TNFAIP3: variants seen among roughly 807,000 people sequenced by gnomAD.
The protein encoded by TNFAIP3 is TNF alpha induced protein 3, also known as tumor necrosis factor alpha-induced protein 3.
In TNFAIP3, 9 loss-of-function variants were observed where a neutral mutation model predicts 72.4. The ratio of observed to expected loss-of-function variants is 0.12; its 90% confidence interval spans 0.07 to 0.22. TNFAIP3 has a LOEUF of 0.22. TNFAIP3 is among the 10% of genes least tolerant of loss of function. The probability of loss-of-function intolerance (pLI) is 1.00; values close to 1 mark genes in which losing one functional copy is unlikely to be tolerated. For missense variants in TNFAIP3, 833 were observed against 1,018.7 expected, an observed-to-expected ratio of 0.82 and a Z score of 2.48; for synonymous variants, 339 against 372.6, an observed-to-expected ratio of 0.91 and a Z score of 1.04.
At chr6:137,877,420 T>C (rs1364029762) in intron 6 of TNFAIP3, among the ~76,000 whole-genome samples, 164 bp downstream of exon 6, 1 of 152,244 alleles carries the variant, frequency 6.6e-6, no homozygotes, top group African/African-American at 2.4e-5. Flanking sequence ...GAGAGGATTA[T>C]GTAAGGCAGT....
upstream of TNFAIP3, chr6:137,867,139 T>G (rs1419461768): frequency 1.3e-5 from 2 of 151,502 alleles, no homozygotes; most frequent in African/African-American, 4.8e-5. This position sits in a 1 kb window ranked among gnomAD's most constrained non-coding sequence, Gnocchi z 6.0. Flanking sequence ...CTGCGCCCTC[T>G]GGCGGCCGGC....
At position 137,871,353 on chromosome 6, in the gene TNFAIP3, C is replaced by T; in HGVS notation, c.126C>T (p.Thr42=). ...PTNGIIHHFK[T]MHRYTLEMFR... Reference sequence around the variant, plus strand: ...ATGGGATCATTCATCATTTTAAAACCATGCACCGATACACACTGGAAATGT... The same window carrying T: ...ATGGGATCATTCATCATTTTAAAACTATGCACCGATACACACTGGAAATGT... The change falls in exon 2 of 9, where the codon ACC becomes ACT. Residue 42 remains threonine, a synonymous_variant. Transcript: ENST00000612899. The surrounding 1 kb of genome is among the most constrained non-coding windows in gnomAD (Gnocchi z 4.2). 5.0e-6 allele frequency: 8 copies of T among 1,614,124 alleles called. No individual in the cohort carries two copies. Among genetic ancestry groups the T allele is most frequent in the Admixed American group, 1.7e-5 (1 of 60,020 alleles).
rs376559304 is a variant in TNFAIP3 at position 137,875,046 on chromosome 6, C to T, written c.486+11C>T. On this transcript the variant is annotated intron_variant, in intron 3 of 8. Transcript: ENST00000612899. ...TGCTATGATACTCGGGTAGGTTTTT[C>T]CCCCTAATTATCTACTAACAGAGCT... 7 of 1,613,638 alleles carry T rather than the reference C, an allele frequency of 4.3e-6. No homozygotes were observed. The highest frequency in any genetic ancestry group is 1.7e-5 in the Admixed American group (1 of 60,002).
rs1407837791 is a variant in TNFAIP3, at chr6:137,881,276, G to A, written c.2330G>A (p.Gly777Asp). The A allele has an allele frequency of 1.3e-6, 2 of 1,578,164 alleles. No homozygotes were observed. Among genetic ancestry groups the A allele is most frequent in the Non-Finnish European group, 1.7e-6 (2 of 1,161,946 alleles). Residue 777 changes from glycine (G) to aspartate (D), a missense_variant, in exon 9 of 9, where the codon GGC becomes GAC. Physicochemically the swap from Gly to Asp is moderately conservative, Grantham distance 94. Around this residue, in one of 2 missense-constraint regions of TNFAIP3, gnomAD observed 587 missense variants for 657.8 expected, o/e 0.89. Transcript: ENST00000612899. This position sits in a 1 kb window ranked among gnomAD's most constrained non-coding sequence, Gnocchi z 5.0. The part of the protein sequence containing the change: ...CDHFGNAKCN[G>D]YCNECFQFKQ... Reference sequence around the variant, plus strand: ...CATTTTGGCAATGCCAAGTGCAACGGCTACTGCAACGAATGCTTTCAGTTC... The same window carrying A: ...CATTTTGGCAATGCCAAGTGCAACGACTACTGCAACGAATGCTTTCAGTTC...
intron 5 of TNFAIP3, 92 bp downstream of exon 5, chr6:137,876,258 TA>T: frequency 9.5e-7 from 1 of 1,057,274 alleles, no homozygotes; most frequent in Non-Finnish European, 1.4e-6. Context: ...CTTATTTAAG[TA>T]TATTATTTTT....
At chr6:137,867,035 C>T (rs1396644729), upstream of TNFAIP3, among the ~76,000 whole-genome samples, 3 of 49,492 alleles carry the variant, frequency 6.1e-5, no homozygotes, top group African/African-American at 1.6e-4. This position sits in a 1 kb window ranked among gnomAD's most constrained non-coding sequence, Gnocchi z 6.0. Flanking sequence ...CTGCAGGGAC[C>T]GGGCGGGGCG....
At chr6:137,880,951 A>T in intron 8 of TNFAIP3, 84 bp from the exon 9 acceptor site, 1 of 1,456,468 alleles carries the variant, frequency 6.9e-7, no homozygotes, top group Non-Finnish European at 9.3e-7. Context: ...CACACTCTCC[A>T]ATGAGATTTC....
At chr6:137,873,599 C>T (rs896859606) in intron 2 of TNFAIP3, among the ~76,000 whole-genome samples, 2 of 152,168 alleles carry the variant, frequency 1.3e-5, no homozygotes, top group Non-Finnish European at 2.9e-5. Context: ...TATACTGGTG[C>T]ATCTCAATAA....
At chr6:137,866,803 G>T (rs1356608558), upstream of TNFAIP3, 4 of 152,372 alleles carry the variant, frequency 2.6e-5, no homozygotes, top group Admixed American at 2.6e-4. Flanking sequence ...GGGCCCGGGC[G>T]CCAGGGTGGT....
rs775254371 is a variant in TNFAIP3 at position 137,879,248 on chromosome 6, G to A, written c.1803G>A (p.Arg601=). Residue 601 remains arginine, a synonymous_variant, in exon 7 of 9, where the codon AGG becomes AGA. Transcript: ENST00000612899. The part of the protein sequence containing the change: ...LSQAARTPGD[R]TGTSKCRKAG... ...AAGCTGCACGGACTCCTGGGGACAG[G>A]ACGGGGACGAGCAAGTGCAGAAAAG... The A allele has an allele frequency of 6.2e-7, 1 of 1,614,228 alleles. No individual in the cohort carries two copies. Among genetic ancestry groups the A allele is most frequent in the South Asian group, 1.1e-5 (1 of 91,090 alleles).
chr6:137,870,886 G>A (rs1168121495), intron 1 of TNFAIP3, among the ~76,000 whole-genome samples: 1 of 152,182 alleles, frequency 6.6e-6, no homozygotes. Context: ...TGGTTTTGAG[G>A]AGCAGTACCT....
intron 7 of TNFAIP3, 90 bp from the exon 8 acceptor site, chr6:137,879,981 T>C: frequency 8.7e-7 from 1 of 1,151,574 alleles, no homozygotes; most frequent in African/African-American, 1.6e-5. Flanking sequence ...CTAATCTGTA[T>C]TTGGAACCCA....
In TNFAIP3 at chr6:137,871,103, A is replaced by T. The variant is rs1055611580; in HGVS notation, c.-15-110A>T. The T allele has an allele frequency of 2.0e-6, 2 of 1,011,146 alleles. No homozygotes were observed. The highest frequency in any genetic ancestry group is 2.9e-6 in the Non-Finnish European group (2 of 700,626). 62.6% of individuals were successfully genotyped at this position (1,011,146 alleles called of 1,614,324 possible). Reference sequence around the variant, plus strand: ...AGGTGCTAAGATCTTTTGCCTACAGATCAGGGTAATGACAAGATCAAACAC... The same window carrying T: ...AGGTGCTAAGATCTTTTGCCTACAGTTCAGGGTAATGACAAGATCAAACAC... On this transcript the variant is annotated intron_variant, in intron 1 of 8. Coordinates refer to ENST00000612899, the MANE Select transcript of TNFAIP3 (RefSeq NM_001270508.2). The surrounding 1 kb of genome is among the most constrained non-coding windows in gnomAD (Gnocchi z 4.2).
chr6:137,869,421 C>T (rs1448833262), intron 1 of TNFAIP3, among the ~76,000 whole-genome samples: 2 of 151,890 alleles, frequency 1.3e-5, no homozygotes, highest in African/African-American at 4.8e-5. Flanking sequence ...GTGAAAGAGA[C>T]TTTTGCTGTG....
Position 137,878,651 on chromosome 6 carries a change from T to C in TNFAIP3, c.1206T>C (p.Pro402=). Residue 402 remains proline (P), a synonymous_variant, in exon 7 of 9, where the codon CCT becomes CCC. Transcript: ENST00000612899. ...CPFFMSVNTQ[P]LCHECSERRQ... is the part of the protein sequence containing the mutation. Reference sequence around the variant, plus strand: ...TCTTCATGTCTGTGAACACCCAGCCTTTATGCCATGAGTGCTCAGAGAGGC... The same window carrying C: ...TCTTCATGTCTGTGAACACCCAGCCCTTATGCCATGAGTGCTCAGAGAGGC... The C allele has an allele frequency of 6.2e-7, 1 of 1,614,154 alleles. No individual in the cohort carries two copies. The highest frequency in any genetic ancestry group is 2.2e-5 in the East Asian group (1 of 44,872).
Position 137,867,488 on chromosome 6 carries a change from C to G in TNFAIP3, c.-70C>G, listed in dbSNP as rs953575087. On this transcript the variant is annotated 5_prime_UTR_variant, in exon 1 of 9. Coordinates refer to ENST00000612899, the MANE Select transcript of TNFAIP3 (RefSeq NM_001270508.2). This position sits in a 1 kb window ranked among gnomAD's most constrained non-coding sequence, Gnocchi z 6.0. Reference sequence around the variant, plus strand: ...GACTTTGCGAAAGGATCGCGGGGCCCGGAGAGGTAACCGCCGCGCCTCCCG... The same window carrying G: ...GACTTTGCGAAAGGATCGCGGGGCCGGGAGAGGTAACCGCCGCGCCTCCCG... 6 of 136,094 alleles carry G rather than the reference C, an allele frequency of 4.4e-5. No individual in the cohort carries two copies. Among genetic ancestry groups the G allele is most frequent in the African/African-American group, 1.5e-4 (5 of 33,296 alleles). 8.4% of individuals were successfully genotyped at this position (136,094 alleles called of 1,614,324 possible). A position where few individuals can be genotyped will look rare whatever the true frequency, so the allele number is the denominator to read the frequency against.
At position 137,881,189 on chromosome 6, in the gene TNFAIP3, A is replaced by C. The variant is rs1483594433; in HGVS notation, c.2243A>C (p.His748Pro). Residue 748 changes from histidine (H) to proline (P), a missense_variant, in exon 9 of 9, where the codon CAC (histidine) becomes CCC (proline). Physicochemically the swap from His to Pro is moderately conservative, Grantham distance 77. Around this residue, in one of 2 missense-constraint regions of TNFAIP3, gnomAD observed 587 missense variants for 657.8 expected, o/e 0.89. Transcript: ENST00000612899. This position sits in a 1 kb window ranked among gnomAD's most constrained non-coding sequence, Gnocchi z 5.0. ...HPNQRMGPGAHRGEPAPEDPP... is the reference protein window; with the variant it reads ...HPNQRMGPGAPRGEPAPEDPP... Reference sequence around the variant, plus strand: ...AACCAGAGGATGGGCCCTGGGGCCCACCGGGGTGAGCCTGCCCCCGAAGAC... The same window carrying C: ...AACCAGAGGATGGGCCCTGGGGCCCCCCGGGGTGAGCCTGCCCCCGAAGAC... The C allele has an allele frequency of 1.9e-6, 3 of 1,613,442 alleles. No individual in the cohort carries two copies. The highest frequency in any genetic ancestry group is 2.5e-6 in the Non-Finnish European group (3 of 1,179,896).
chr6:137,878,872 T>C lies in TNFAIP3; in HGVS notation c.1427T>C (p.Met476Thr). 1 of 1,614,092 alleles carries C rather than the reference T, an allele frequency of 6.2e-7. No individual in the cohort carries two copies. The highest frequency in any genetic ancestry group is 8.5e-7 in the Non-Finnish European group (1 of 1,180,020). ...SPFLFSETTA[M>T]KCRSPGCPFT... The stretch of plus-strand genomic sequence containing the variant: ...TTTCTGTTCAGTGAGACCACTGCCA[T>C]GAAGTGCAGGAGCCCCGGCTGCCCC... Residue 476 changes from methionine (M) to threonine (T), a missense_variant, in exon 7 of 9, where the codon ATG becomes ACG. Coordinates refer to ENST00000612899, the MANE Select transcript of TNFAIP3 (RefSeq NM_001270508.2).
rs1362113006 is a variant in TNFAIP3, at chr6:137,878,972, C to T, written c.1527C>T (p.Ala509=). The T allele has an allele frequency of 1.9e-6, 3 of 1,614,102 alleles. No individual in the cohort carries two copies. Among genetic ancestry groups the T allele is most frequent in the Non-Finnish European group, 2.5e-6 (3 of 1,180,058 alleles). ...HNARQLHASH[A]PDHTRHLDPG... ...CCCGGCAACTTCACGCCAGCCACGC[C>T]CCAGACCACACAAGGCACTTGGATC... The change falls in exon 7 of 9, where the codon GCC becomes GCT. Residue 509 remains alanine, a synonymous_variant. Transcript: ENST00000612899.
Sources: gnomAD v4.1 joint callset for allele counts (sites outside exome capture counted in the v4.1 genomes callset) on GRCh38, gnomAD v4.1.1 for gene constraint, gnomAD v4.1.1 regional missense constraint, Gnocchi (gnomAD v3.1) non-coding constraint, MANE v1.5 for transcripts, NCBI Gene and HGNC (gene_info 2026-07-23, HGNC 2026-07-21) for gene names.